The following MACROD2 variants were observed in gnomAD, a reference collection of about 807,000 sequenced individuals.
MACROD2 encodes ADP-ribose glycohydrolase MACROD2.
A neutral mutation model predicts 70.4 loss-of-function variants in MACROD2; 36 were observed. That is an observed-to-expected ratio of 0.51 (90% CI 0.39 to 0.68). The LOEUF (loss-of-function observed/expected upper bound fraction) is 0.68, where lower values mean the gene tolerates loss of function less well. Among genes scored for constraint, MACROD2 ranks in the 30% least tolerant of loss-of-function variants. The pLI, the probability that MACROD2 is intolerant of heterozygous loss-of-function variation, is 0.00. For synonymous variants in MACROD2, 172 were observed against 178.8 expected, an observed-to-expected ratio of 0.96 and a Z score of 0.30; for missense variants, 496 against 538.4, an observed-to-expected ratio of 0.92 and a Z score of 0.78.
At chr20:15,672,914 G>A (rs887614187) in intron 8 of MACROD2, among the ~76,000 whole-genome samples, 1 of 152,130 alleles carries the variant, frequency 6.6e-6, no homozygotes, top group African/African-American at 2.4e-5. Context: ...ACAGTGAATA[G>A]GTCTCATGAG....
intron 3 of MACROD2, among the ~76,000 whole-genome samples, chr20:14,247,852 A>T (rs909714040): frequency 1.3e-5 from 2 of 152,236 alleles, no homozygotes; most frequent in African/African-American, 4.8e-5. Context: ...CGTATCCAGC[A>T]GAATTCCTCC....
intron 2 of MACROD2, among the ~76,000 whole-genome samples, chr20:14,028,802 C>T (rs1398993691): frequency 6.6e-6 from 1 of 152,150 alleles, no homozygotes; most frequent in African/African-American, 2.4e-5. Flanking sequence ...AGAAATCAAC[C>T]GTCATTGATC....
chr20:15,941,603 G>A (rs763894620), intron 12 of MACROD2, among the ~76,000 whole-genome samples: 3 of 152,180 alleles, frequency 2.0e-5, no homozygotes, highest in Non-Finnish European at 4.4e-5. Context: ...TAGCTTTCAT[G>A]CAGAAATATC....
At chr20:14,792,357 G>T (rs558326548) in intron 5 of MACROD2, among the ~76,000 whole-genome samples, 1 of 151,890 alleles carries the variant, frequency 6.6e-6, no homozygotes, top group African/African-American at 2.4e-5. Context: ...CTACTTGACC[G>T]TAGTAAACAT....
intron 3 of MACROD2, among the ~76,000 whole-genome samples, chr20:14,299,988 A>C (rs187886996): frequency 8.1e-4 from 123 of 152,204 alleles, no homozygotes; most frequent in African/African-American, 2.1e-3. Context: ...TGCAGGTGCA[A>C]TGTGACATTT....
chr20:15,200,962 A>G lies in MACROD2; in HGVS notation c.419-28978A>G, dbSNP rs367695094. ...ACATAAATAATTCACTAGGAAGCTC[A>G]TTAAACACAGATTTCCAATGCTACT... On this transcript the variant is annotated intron_variant, in intron 5 of 17. Transcript: ENST00000684519. Among the ~76,000 whole-genome samples the G allele has an allele frequency of 1.6e-3, 250 of 152,276 alleles. No homozygotes were observed. The South Asian group carries it at 0.017, about 10-fold the overall frequency.
Position 14,541,347 on chromosome 20 carries a change from C to G in MACROD2, c.301+47839C>G, listed in dbSNP as rs1027486034. Among the ~76,000 whole-genome samples the G allele has an allele frequency of 1.7e-4, 26 of 151,998 alleles. 1 individual carries two copies. On this transcript the variant is annotated intron_variant, in intron 4 of 17. Transcript: ENST00000684519. Reference sequence around the variant, plus strand: ...CATCCCCAGGATATTTTTAGTGCTCCCTCTCTGTTTCTTCCTCTTATCTCC... The same window carrying G: ...CATCCCCAGGATATTTTTAGTGCTCGCTCTCTGTTTCTTCCTCTTATCTCC...
chr20:14,121,264 C>G (rs1302644689), intron 3 of MACROD2, among the ~76,000 whole-genome samples: 1 of 152,014 alleles, frequency 6.6e-6, no homozygotes, highest in Non-Finnish European at 1.5e-5. Flanking sequence ...ATAATCCAGG[C>G]CAAATGCTTC....
intron 5 of MACROD2, among the ~76,000 whole-genome samples, chr20:14,726,425 A>G (rs1285590287): frequency 6.6e-6 from 1 of 152,166 alleles, no homozygotes; most frequent in East Asian, 1.9e-4. Flanking sequence ...GATCAGAACG[A>G]ATGAAGCGAT....
At chr20:14,311,571 G>A (rs895856450) in intron 3 of MACROD2, among the ~76,000 whole-genome samples, 4 of 152,142 alleles carry the variant, frequency 2.6e-5, no homozygotes, top group Non-Finnish European at 4.4e-5. Flanking sequence ...AGGCTGGAGT[G>A]CAGTGGCGTG....
intron 3 of MACROD2, among the ~76,000 whole-genome samples, chr20:14,451,547 T>C (rs1481261234): frequency 6.6e-6 from 1 of 152,196 alleles, no homozygotes; most frequent in Non-Finnish European, 1.5e-5. Flanking sequence ...AACATGTGCC[T>C]TGGGGCTATC....
At chr20:14,045,070 G>A (rs1315426780) in intron 2 of MACROD2, among the ~76,000 whole-genome samples, 2 of 152,214 alleles carry the variant, frequency 1.3e-5, no homozygotes, top group Non-Finnish European at 2.9e-5. Flanking sequence ...CCGGCTTGCC[G>A]CTCCGAGTGC....
chr20:14,885,060 C>A (rs1024788170), intron 5 of MACROD2, among the ~76,000 whole-genome samples: 1 of 152,164 alleles, frequency 6.6e-6, no homozygotes, highest in Non-Finnish European at 1.5e-5. Flanking sequence ...CTTGGCAAAG[C>A]AAACTTCTAA....
intron 6 of MACROD2, among the ~76,000 whole-genome samples, chr20:15,264,145 C>G (rs1177869378): frequency 6.6e-6 from 1 of 152,148 alleles, no homozygotes. Context: ...AGGTTTCTAT[C>G]AGTGTCTTTC....
At chr20:14,172,236 T>C (rs2081227649) in intron 3 of MACROD2, among the ~76,000 whole-genome samples, 1 of 151,986 alleles carries the variant, frequency 6.6e-6, no homozygotes, top group African/African-American at 2.4e-5. Flanking sequence ...TCCTTTTTGT[T>C]AGGTGAGCCT....
At position 15,069,242 on chromosome 20, in the gene MACROD2, T is replaced by A. The variant is rs138535098; in HGVS notation, c.419-160698T>A. Among the ~76,000 whole-genome samples the A allele has an allele frequency of 1.0e-3, 157 of 152,200 alleles. 4 individuals carry two copies. The South Asian group carries it at 0.019, about 19-fold the overall frequency. ...ATGGCTGCTTCTGAAAACCTATACA[T>A]AGATATGGGAGCAAAAAAATGACTT... is the stretch of plus-strand genomic sequence containing the variant. On this transcript the variant is annotated intron_variant, in intron 5 of 17. Transcript: ENST00000684519.
At chr20:14,288,701 A>AGT (rs2082363015) in intron 3 of MACROD2, among the ~76,000 whole-genome samples, 1 of 152,076 alleles carries the variant, frequency 6.6e-6, no homozygotes, top group African/African-American at 2.4e-5. Context: ...TCCATTTTGT[A>AGT]GTGTGTGTGT....
intron 4 of MACROD2, among the ~76,000 whole-genome samples, chr20:14,670,698 A>G (rs2070785222): frequency 5.9e-5 from 9 of 152,196 alleles, no homozygotes; most frequent in Admixed American, 5.9e-4. Context: ...CACAAAACAC[A>G]AAGTCATTTT....
chr20:15,545,598 A>G (rs2048015691), intron 8 of MACROD2, among the ~76,000 whole-genome samples: 1 of 152,050 alleles, frequency 6.6e-6, no homozygotes, highest in African/African-American at 2.4e-5. Context: ...CTTTGGCCAT[A>G]TGTAGTAGTG....
Sources: allele counts gnomAD v4.1 joint callset (sites outside exome capture counted in the v4.1 genomes callset), GRCh38; gene constraint gnomAD v4.1.1; transcripts MANE v1.5; gene names NCBI Gene and HGNC (gene_info 2026-07-23, HGNC 2026-07-21).